CAB39: variants seen among roughly 807,000 people sequenced by gnomAD.
CAB39 encodes calcium binding protein 39.
In CAB39, 8 loss-of-function variants were observed where a neutral mutation model predicts 40.0. The observed-to-expected ratio is 0.20, with a 90% CI of 0.12 to 0.36. CAB39 has a LOEUF of 0.36. Ranked by LOEUF, CAB39 falls within the 10% of genes least tolerant of loss-of-function variation. CAB39 has a pLI of 1.00. For synonymous variants in CAB39, 156 were observed against 141.6 expected (o/e 1.10, Z -0.72); for missense variants, 270 against 401.1 (o/e 0.67, Z 2.79).
At chr2:230,793,025 T>C (rs1052940144) in intron 3 of CAB39, among the ~76,000 whole-genome samples, 188 bp from the exon 4 acceptor site, 1 of 152,236 alleles carries the variant, frequency 6.6e-6, no homozygotes, top group Non-Finnish European at 1.5e-5. Flanking sequence ...ATGTTAAAAA[T>C]AGTACACTAG....
chr2:230,813,556 A>G (rs543108539), intron 6 of CAB39, among the ~76,000 whole-genome samples: 149 of 152,272 alleles, frequency 9.8e-4, no homozygotes, highest in Non-Finnish European at 1.8e-3. Flanking sequence ...ATTCCGAATT[A>G]CTTTTTCTCT....
intron 2 of CAB39, chr2:230,779,585 A>G (rs928767859): frequency 6.6e-6 from 1 of 152,236 alleles, no homozygotes; most frequent in African/African-American, 2.4e-5. Flanking sequence ...ACTGGTACAT[A>G]GAAATGTAGC....
At chr2:230,755,577 T>G (rs1695174749) in intron 1 of CAB39, among the ~76,000 whole-genome samples, 1 of 152,250 alleles carries the variant, frequency 6.6e-6, no homozygotes, top group African/African-American at 2.4e-5. Context: ...GAAGATTTTC[T>G]CCCACTCTGT....
intron 1 of CAB39, among the ~76,000 whole-genome samples, chr2:230,735,034 A>G (rs1559592351): frequency 1.3e-5 from 2 of 151,926 alleles, no homozygotes; most frequent in South Asian, 2.1e-4. Flanking sequence ...CTTGTTTTTC[A>G]TTTACATTGT....
intron 1 of CAB39, among the ~76,000 whole-genome samples, chr2:230,739,815 A>G (rs781265430): frequency 7.9e-5 from 12 of 152,230 alleles, no homozygotes; most frequent in Non-Finnish European, 1.8e-4. Flanking sequence ...GTCTTAAATC[A>G]TGATAAAGTC....
chr2:230,752,026 A>ACCC (rs1343450270), intron 1 of CAB39: 37 of 36,298 alleles, frequency 1.0e-3, no homozygotes, highest in African/African-American at 1.3e-3. Flanking sequence ...TCATATTCTG[A>ACCC]CCACCCCCCC....
intron 2 of CAB39, among the ~76,000 whole-genome samples, chr2:230,773,004 C>T (rs11690370): frequency 0.16 from 20,690 of 125,666 alleles, 2,233 homozygotes; most frequent in African/African-American, 0.37. Context: ...AAAAAAAAAA[C>T]TATTGCTGTA....
intron 1 of CAB39, among the ~76,000 whole-genome samples, chr2:230,757,091 T>A (rs1695205856): frequency 6.6e-6 from 1 of 152,144 alleles, no homozygotes; most frequent in Admixed American, 6.5e-5. Flanking sequence ...TTTGGGTAGT[T>A]GTTACTGTGT....
intron 1 of CAB39, among the ~76,000 whole-genome samples, chr2:230,750,899 A>G (rs1470391503): frequency 6.6e-6 from 1 of 152,246 alleles, no homozygotes; most frequent in African/African-American, 2.4e-5. Flanking sequence ...TTGAGGCATA[A>G]CAAAGTCAGG....
intron 2 of CAB39, among the ~76,000 whole-genome samples, chr2:230,774,688 C>T (rs1005254157): frequency 6.6e-6 from 1 of 152,054 alleles, no homozygotes; most frequent in African/African-American, 2.4e-5. Context: ...AGTAAGTTTG[C>T]TGACATATTT....
chr2:230,722,023 A>C (rs1694462626), intron 1 of CAB39, among the ~76,000 whole-genome samples: 1 of 149,988 alleles, frequency 6.7e-6, no homozygotes, highest in Admixed American at 6.6e-5. Flanking sequence ...TTCAACTAAG[A>C]TTGTAGTGGC....
chr2:230,716,591 G>T lies in CAB39; in HGVS notation c.-44+3361G>T, dbSNP rs1398401168. 3.9e-5 allele frequency among the ~76,000 whole-genome samples: 6 copies of T among 152,142 alleles called. 1 individual carries two copies. The highest frequency in any genetic ancestry group is 8.8e-5 in the Non-Finnish European group (6 of 68,040). On this transcript the variant is annotated intron_variant, in intron 1 of 8. Coordinates refer to ENST00000258418, the MANE Select transcript of CAB39 (RefSeq NM_016289.4). Reference sequence around the variant, plus strand: ...AAAAAATGTTTTAATTAAAAGAGATGGTGTCTCATTCTGTTGCCCAGGCTG... The same window carrying T: ...AAAAAATGTTTTAATTAAAAGAGATTGTGTCTCATTCTGTTGCCCAGGCTG...
Position 230,769,125 on chromosome 2 carries a change from T to TA in CAB39, c.114+9011dup, listed in dbSNP as rs551304191. ...GGGGCTGTACTAATAGCAGACAAAATAGACTTCAGAGCAAAGAATATTACC... is the reference window on the plus strand; with the variant it reads ...GGGGCTGTACTAATAGCAGACAAAATAAGACTTCAGAGCAAAGAATATTACC... On this transcript the variant is annotated intron_variant, in intron 2 of 8. Coordinates refer to ENST00000258418, the MANE Select transcript of CAB39 (RefSeq NM_016289.4). Among the ~76,000 whole-genome samples the TA allele has an allele frequency of 1.9e-4, 29 of 152,272 alleles. No individual in the cohort carries two copies. The South Asian group carries it at 4.1e-3, about 22-fold the overall frequency.
At chr2:230,747,882 C>A (rs1432952757) in intron 1 of CAB39, among the ~76,000 whole-genome samples, 1 of 152,108 alleles carries the variant, frequency 6.6e-6, no homozygotes, top group Non-Finnish European at 1.5e-5. Context: ...AAAGGAAATC[C>A]CATATCACTC....
Position 230,821,017 on chromosome 2 carries a change from A to G in CAB39, c.*2313A>G, listed in dbSNP as rs553373196. 5.9e-5 allele frequency: 9 copies of G among 152,782 alleles called. No individual in the cohort carries two copies. In the East Asian group the frequency reaches 1.7e-3, roughly 29 times the overall value. 9.5% of individuals were successfully genotyped at this position (152,782 alleles called of 1,614,324 possible). A position where few individuals can be genotyped will look rare whatever the true frequency, so the allele number is the denominator to read the frequency against. On this transcript the variant is annotated 3_prime_UTR_variant, in exon 9 of 9. Transcript: ENST00000258418. Reference sequence around the variant, plus strand: ...TCTCCTAAGGAAAAGTGAATTTCTTATCAGAATATCTGGCTGGCCCTGTAA... The same window carrying G: ...TCTCCTAAGGAAAAGTGAATTTCTTGTCAGAATATCTGGCTGGCCCTGTAA...
chr2:230,798,994 C>T, intron 5 of CAB39, 97 bp downstream of exon 5: 4 of 838,822 alleles, frequency 4.8e-6, no homozygotes, highest in Non-Finnish European at 5.4e-6. Context: ...CGTGGCTGCC[C>T]TCTAGTGGGA....
At chr2:230,786,023 G>C (rs1034419095) in intron 2 of CAB39, among the ~76,000 whole-genome samples, 1 of 151,726 alleles carries the variant, frequency 6.6e-6, no homozygotes, top group Admixed American at 6.6e-5. Context: ...AATTAGCCGG[G>C]TGTTGTGGCG....
Position 230,724,974 on chromosome 2 carries a change from C to G in CAB39, c.-44+11744C>G, listed in dbSNP as rs941640068. Among the ~76,000 whole-genome samples the G allele has an allele frequency of 4.6e-5, 7 of 150,878 alleles. No individual in the cohort carries two copies. The East Asian group carries it at 1.4e-3, about 29-fold the overall frequency. ...GGGGAGGCATGCAAGAGCGAGAATC[C>G]AAAAAAAAGTTGAAATGGTTAGGGG... On this transcript the variant is annotated intron_variant, in intron 1 of 8. Transcript: ENST00000258418.
intron 1 of CAB39, among the ~76,000 whole-genome samples, chr2:230,721,819 C>T (rs949641289): frequency 1.3e-5 from 2 of 152,156 alleles, no homozygotes; most frequent in Non-Finnish European, 2.9e-5. Flanking sequence ...AGAAATACTG[C>T]ACATTATATT....
Sources: gnomAD v4.1 joint callset for allele counts (sites outside exome capture counted in the v4.1 genomes callset) on GRCh38, gnomAD v4.1.1 for gene constraint, MANE v1.5 for transcripts, NCBI Gene and HGNC (gene_info 2026-07-23, HGNC 2026-07-21) for gene names.